Variants in DLST observed in about 807,000 individuals in gnomAD.
DLST encodes the protein dihydrolipoamide S-succinyltransferase.
In DLST, 17 loss-of-function variants were observed where a neutral mutation model predicts 53.1. That is an observed-to-expected ratio of 0.32 (90% confidence interval 0.22 to 0.48). DLST has a LOEUF of 0.48. Among genes scored for constraint, DLST ranks in the 20% least tolerant of loss-of-function variants. The pLI is 0.99. For synonymous variants in DLST, 206 were observed against 204.8 expected, an observed-to-expected ratio of 1.01 and a Z score of -0.05; for missense variants, 512 against 583.9, an observed-to-expected ratio of 0.88 and a Z score of 1.27.
At chr14:74,891,835 G>T (rs868003545) in intron 7 of DLST, 1 of 985,210 alleles carries the variant, frequency 1.0e-6, no homozygotes, top group Admixed American at 6.2e-5. Flanking sequence ...CAGATAGACC[G>T]CATGATTGAG....
chr14:74,897,937 G>GTT (rs1566794710), intron 10 of DLST, among the ~76,000 whole-genome samples: 8 of 144,896 alleles, frequency 5.5e-5, no homozygotes, highest in African/African-American at 1.6e-4. Context: ...GATTTGGTGG[G>GTT]GTTTTTTTTT....
At chr14:74,894,462 G>A (rs746704411) in intron 10 of DLST, 53 bp downstream of exon 10, 237 of 1,579,756 alleles carry the variant, frequency 1.5e-4, no homozygotes, top group Non-Finnish European at 1.9e-4. Context: ...TAGAGAACAC[G>A]AACTTGCCCC....
intron 3 of DLST, among the ~76,000 whole-genome samples, chr14:74,887,635 CTT>C (rs897270142): frequency 2.8e-4 from 42 of 152,202 alleles, no homozygotes; most frequent in African/African-American, 9.9e-4. Flanking sequence ...CATGAGAAGA[CTT>C]TTTTATCCTT....
Position 74,900,388 on chromosome 14 carries a change from G to GTA in DLST, c.1059+19_1059+20dup, listed in dbSNP as rs1237991689. 6.2e-7 allele frequency: 1 copy of GTA among 1,610,160 alleles called. No individual in the cohort carries two copies. The highest frequency in any genetic ancestry group is 1.1e-5 in the South Asian group (1 of 90,928). On this transcript the variant is annotated intron_variant, in intron 13 of 14. Transcript: ENST00000334220. Reference sequence around the variant, plus strand: ...GGGAGAGAAGGTAAAGTAGAAAGATGTATACAAGCTGCTAAGCAGGCGAGG... The same window carrying GTA: ...GGGAGAGAAGGTAAAGTAGAAAGATGTATATACAAGCTGCTAAGCAGGCGAGG...
At chr14:74,890,673 T>TTAA (rs2140192456) in intron 6 of DLST, among the ~76,000 whole-genome samples, 1 of 152,312 alleles carries the variant, frequency 6.6e-6, no homozygotes, top group South Asian at 2.1e-4. Context: ...GTGCAAGGCC[T>TTAA]TATATATTGT....
At position 74,892,923 on chromosome 14, in the gene DLST, G is replaced by T; in HGVS notation, c.532G>T (p.Ala178Ser). Residue 178 changes from alanine to serine, a missense_variant, in exon 8 of 15, where the codon GCA becomes TCA. Coordinates refer to ENST00000334220, the MANE Select transcript of DLST (RefSeq NM_001933.5). ...PTAAAVPPPA[A>S]PIPTQMPPVP... Reference sequence around the variant, plus strand: ...AGCAGCGGCAGTTCCTCCCCCTGCAGCACCCATACCCACTCAGATGCCACC... The same window carrying T: ...AGCAGCGGCAGTTCCTCCCCCTGCATCACCCATACCCACTCAGATGCCACC... 6.2e-7 allele frequency: 1 copy of T among 1,614,122 alleles called. No homozygotes were observed. The highest frequency in any genetic ancestry group is 8.5e-7 in the Non-Finnish European group (1 of 1,180,020).
At chr14:74,891,633 ATTTC>A in intron 7 of DLST, 1 of 985,838 alleles carries the variant, frequency 1.0e-6, no homozygotes, top group South Asian at 4.7e-5. Context: ...AAGGGTTGGT[ATTTC>A]TTTTGGGAAG....
In DLST at chr14:74,899,963, T is replaced by C. The variant is rs747965250; in HGVS notation, c.942T>C (p.Tyr314=). The C allele has an allele frequency of 1.2e-6, 2 of 1,613,964 alleles. No homozygotes were observed. Among genetic ancestry groups the C allele is most frequent in the African/African-American group, 1.3e-5 (1 of 75,036 alleles). Residue 314 remains tyrosine, a synonymous_variant, in exon 12 of 15, where the codon TAT becomes TAC. Coordinates refer to ENST00000334220, the MANE Select transcript of DLST (RefSeq NM_001933.5). ...DTTKEVVYRD[Y]IDISVAVATP... The stretch of plus-strand genomic sequence containing the variant: ...CCAAAGAGGTGGTGTATAGGGATTA[T>C]ATTGACATCAGTGTTGCAGTGGCCA...
intron 7 of DLST, 120 bp downstream of exon 7, chr14:74,891,287 G>A (rs1259398247): frequency 6.6e-7 from 1 of 1,508,680 alleles, no homozygotes; most frequent in African/African-American, 1.4e-5. Flanking sequence ...GCCCTTAGTT[G>A]AGGGAATAAG....
At chr14:74,888,383 A>C (rs756122807) in intron 3 of DLST, among the ~76,000 whole-genome samples, 18 of 149,686 alleles carry the variant, frequency 1.2e-4, no homozygotes, top group Non-Finnish European at 2.4e-4. Context: ...CAGAAATTCC[A>C]TTATACCTTG....
chr14:74,898,686 C>T (rs1884148205), intron 11 of DLST, among the ~76,000 whole-genome samples, 187 bp downstream of exon 11: 1 of 152,242 alleles, frequency 6.6e-6, no homozygotes, highest in Admixed American at 6.5e-5. Flanking sequence ...TTTCTACCCG[C>T]CAGCTGGGCA....
At chr14:74,885,853 C>T in intron 3 of DLST, 1 of 493,052 alleles carries the variant, frequency 2.0e-6, no homozygotes, top group South Asian at 3.1e-5. Flanking sequence ...TGTGCCCACT[C>T]TCCACAGGTG....
intron 3 of DLST, among the ~76,000 whole-genome samples, chr14:74,887,725 C>T (rs1883756795): frequency 6.6e-6 from 1 of 152,200 alleles, no homozygotes; most frequent in South Asian, 2.1e-4. Flanking sequence ...AGAGCAGCCT[C>T]TGCACTTGCA....
intron 11 of DLST, 68 bp from the exon 12 acceptor site, chr14:74,899,855 C>A: frequency 8.0e-7 from 1 of 1,256,522 alleles, no homozygotes. Context: ...TCTGTTAATG[C>A]ACATATTACC....
chr14:74,900,101 A>C, intron 12 of DLST, 105 bp downstream of exon 12: 1 of 1,181,914 alleles, frequency 8.5e-7, no homozygotes. Flanking sequence ...GTATTTTTAG[A>C]AGGGAGTTAG....
chr14:74,886,834 C>T (rs1014867728), intron 3 of DLST, among the ~76,000 whole-genome samples: 15 of 151,888 alleles, frequency 9.9e-5, no homozygotes, highest in African/African-American at 3.1e-4. Flanking sequence ...CTCTGCCTCT[C>T]GGGTTCCAGC....
intron 3 of DLST, among the ~76,000 whole-genome samples, chr14:74,886,769 T>C (rs1883718516): frequency 6.6e-6 from 1 of 151,808 alleles, no homozygotes; most frequent in Non-Finnish European, 1.5e-5. Flanking sequence ...CAAGATGGAG[T>C]CTTGCTCTGT....
At position 74,889,286 on chromosome 14, in the gene DLST, G is replaced by A; in HGVS notation, c.211G>A (p.Val71Ile). 6.2e-7 allele frequency: 1 copy of A among 1,612,426 alleles called. No homozygotes were observed. The highest frequency in any genetic ancestry group is 8.5e-7 in the Non-Finnish European group (1 of 1,179,822). Residue 71 changes from valine to isoleucine, a missense_variant, in exon 5 of 15, where the codon GTT (valine) becomes ATT (isoleucine). This residue lies in a region of DLST where 129 missense variants were observed against 90.9 expected (regional missense o/e 1.42). Coordinates refer to ENST00000334220, the MANE Select transcript of DLST (RefSeq NM_001933.5). ...TGCATTTTTCCTAGAGGATGACTTG[G>A]TTACAGTCAAAACCCCAGCGTTTGC... ...RTTAVCKDDL[V>I]TVKTPAFAES...
chr14:74,891,433 A>G, intron 7 of DLST: 1 of 1,124,468 alleles, frequency 8.9e-7, no homozygotes, highest in African/African-American at 1.6e-5. Flanking sequence ...ACCTTTTCTT[A>G]TAGATATACA....
Sources: gnomAD v4.1 joint callset for allele counts (sites outside exome capture counted in the v4.1 genomes callset) on GRCh38, gnomAD v4.1.1 for gene constraint, gnomAD v4.1.1 regional missense constraint, MANE v1.5 for transcripts, NCBI Gene and HGNC (gene_info 2026-07-23, HGNC 2026-07-21) for gene names.